Variants in THBS2 observed in about 807,000 individuals in gnomAD.
The protein encoded by THBS2 is thrombospondin-2.
THBS2 carries 47 observed loss-of-function variants against 135.2 expected under a neutral mutation model. The ratio of observed to expected loss-of-function variants is 0.35; its 90% CI spans 0.28 to 0.44. The LOEUF (loss-of-function observed/expected upper bound fraction) is 0.44. Among genes scored for constraint, THBS2 ranks in the 20% least tolerant of loss-of-function variants. THBS2 has a pLI of 1.00. For synonymous variants in THBS2, 639 were observed against 633.8 expected, an observed-to-expected ratio of 1.01 and a Z score of -0.12; for missense variants, 1,288 against 1,603.1, an observed-to-expected ratio of 0.80 and a Z score of 3.36.
Position 169,250,774 on chromosome 6 carries a change from C to G in THBS2, c.11G>C (p.Arg4Thr), listed in dbSNP as rs757556155. MVW[R>T]LVLLALWVWP... ...CACCCACAGAGCCAGCAGGACCAGC[C>G]TCCAGACCATCCTGCCTCCTGCAGC... The change falls in exon 2 of 22, where the codon AGG becomes ACG. Residue 4 changes from arginine to threonine, a missense_variant. Physicochemically the swap from Arg to Thr is moderately conservative, Grantham distance 71 (BLOSUM62 -1). Transcript: ENST00000617924. The G allele has an allele frequency of 6.2e-7, 1 of 1,613,648 alleles. No individual in the cohort carries two copies. The highest frequency in any genetic ancestry group is 2.2e-5 in the East Asian group (1 of 44,876).
chr6:169,243,118 T>TTCCCACCACTCCTACCTTCCC (rs1562363508), intron 4 of THBS2, among the ~76,000 whole-genome samples: 206 of 11,356 alleles, frequency 0.018, 4 homozygotes, highest in African/African-American at 0.073. Flanking sequence ...CCACCACTCC[T>TTCCCACCACTCCTACCTTCCC]ACCTTCCCAC....
At chr6:169,235,851 C>G (rs1336514424) in intron 9 of THBS2, among the ~76,000 whole-genome samples, 4 of 143,682 alleles carry the variant, frequency 2.8e-5, no homozygotes, top group Non-Finnish European at 4.6e-5. Flanking sequence ...CCCATCCACA[C>G]TCACTCCCCT....
chr6:169,220,352 T>TA lies in THBS2; in HGVS notation c.3372-16dup. 6.3e-7 allele frequency: 1 copy of TA among 1,588,534 alleles called. No homozygotes were observed. The highest frequency in any genetic ancestry group is 1.1e-5 in the South Asian group (1 of 88,820). Reference sequence around the variant, plus strand: ...GCACTAAGACTCTAAAAATGGTGTTTAAAAAGAAGAAGAGGAAAGAAAGAC... The same window carrying TA: ...GCACTAAGACTCTAAAAATGGTGTTTAAAAAAGAAGAAGAGGAAAGAAAGAC... On this transcript the variant is annotated splice_polypyrimidine_tract_variant and intron_variant, in intron 20 of 21. Transcript: ENST00000617924.
rs1319453801 is a variant in THBS2 at position 169,215,914 on chromosome 6, C to CA, written c.*1907dup. The CA allele has an allele frequency of 2.6e-5, 4 of 152,472 alleles. No individual in the cohort carries two copies. The highest frequency in any genetic ancestry group is 6.5e-5 in the Admixed American group (1 of 15,280). The allele number at this position is 152,472 out of a possible 1,614,324, so 9.4% of individuals were successfully genotyped here. A position where few individuals can be genotyped will look rare whatever the true frequency, so the allele number is the denominator to read the frequency against. On this transcript the variant is annotated 3_prime_UTR_variant, in exon 22 of 22. Coordinates refer to ENST00000617924, the MANE Select transcript of THBS2 (RefSeq NM_003247.5). Reference sequence around the variant, plus strand: ...ATAAATAAATATTTACAGTCTTTGGCAAAACACATGACGTTTCATCAACCT... The same window carrying CA: ...ATAAATAAATATTTACAGTCTTTGGCAAAAACACATGACGTTTCATCAACCT...
In THBS2 at chr6:169,216,827, T is replaced by TAACA. The variant is rs1779188454; in HGVS notation, c.*991_*994dup. The TAACA allele has an allele frequency of 6.6e-6, 1 of 152,240 alleles. No individual in the cohort carries two copies. The allele number at this position is 152,240 out of a possible 1,614,324, so 9.4% of individuals were successfully genotyped here. The stretch of plus-strand genomic sequence containing the variant: ...CATTCTATAGTCACTTAATAAATAT[T>TAACA]AACAAAATATTTATAACTGGAACCT... On this transcript the variant is annotated 3_prime_UTR_variant, in exon 22 of 22. Transcript: ENST00000617924.
intron 21 of THBS2, chr6:169,219,908 TG>T: frequency 1.7e-6 from 1 of 576,892 alleles, no homozygotes; most frequent in Non-Finnish European, 3.2e-6. Flanking sequence ...AGCCTGGAAG[TG>T]GAGGAAATCT....
rs59953407 is a variant in THBS2 at position 169,220,268 on chromosome 6, G to T, written c.3441C>A (p.Gly1147=). The stretch of plus-strand genomic sequence containing the variant: ...AGAAGACAAATAGACCCAGCCGCCC[G>T]CCAGCGTAGGTTTGGTCATAGATAG... ...SGPIYDQTYA[G]GRLGLFVFSQ... The change falls in exon 21 of 22, where the codon GGC becomes GGA. Residue 1147 remains glycine (G), a synonymous_variant. Transcript: ENST00000617924. The T allele has an allele frequency of 1.5e-5, 25 of 1,613,872 alleles. No individual in the cohort carries two copies. The highest frequency in any genetic ancestry group is 1.4e-5 in the Non-Finnish European group (17 of 1,179,916).
In THBS2 at chr6:169,252,343, T is replaced by A. The variant is rs1267923738; in HGVS notation, c.-23+1381A>T. 6.6e-6 allele frequency among the ~76,000 whole-genome samples: 1 copy of A among 152,130 alleles called. No individual in the cohort carries two copies. The highest frequency in any genetic ancestry group is 1.5e-5 in the Non-Finnish European group (1 of 68,012). The stretch of plus-strand genomic sequence containing the variant: ...ACGGTGTTAGAATACACAGCTCAGG[T>A]ACAGCCTTGGCAGGCTCTTCCCACC... On this transcript the variant is annotated intron_variant, in intron 1 of 21. Transcript: ENST00000617924. This position sits in a 1 kb window ranked among gnomAD's most constrained non-coding sequence, Gnocchi z 4.3.
intron 10 of THBS2, 132 bp from the exon 11 acceptor site, chr6:169,233,149 G>T: frequency 7.7e-7 from 1 of 1,290,718 alleles, no homozygotes; most frequent in Non-Finnish European, 1.0e-6. Context: ...ACTCTGGTGT[G>T]ATTCTGGATG....
chr6:169,222,512 T>G (rs1779463472), intron 18 of THBS2, 44 bp from the exon 19 acceptor site: 1 of 1,583,424 alleles, frequency 6.3e-7, no homozygotes, highest in Admixed American at 1.7e-5. Context: ...ACCTTTCAGG[T>G]GGCCGGGAGT....
chr6:169,234,046 ACAC>A lies in THBS2; in HGVS notation c.1651+685_1651+687del, dbSNP rs1329508803. ...ACACAACTACCATGTGTCACATTTC[ACAC>A]CACACCGCTGCCCATGCACCATGTT... On this transcript the variant is annotated intron_variant, in intron 10 of 21. Transcript: ENST00000617924. Among the ~76,000 whole-genome samples, 4 of 150,848 alleles carry A rather than the reference ACAC, an allele frequency of 2.7e-5. 1 individual carries two copies. Among genetic ancestry groups the A allele is most frequent in the East Asian group, 1.9e-4 (1 of 5,190 alleles).
rs568009942 is a variant in THBS2 at position 169,241,867 on chromosome 6, C to G, written c.786G>C (p.Arg262Ser). The G allele has an allele frequency of 1.9e-6, 3 of 1,612,508 alleles. No individual in the cohort carries two copies. Among genetic ancestry groups the G allele is most frequent in the South Asian group, 1.1e-5 (1 of 91,080 alleles). The change falls in exon 5 of 22, where the codon AGG becomes AGC. Residue 262 changes from arginine (R) to serine (S), a missense_variant. Arg to Ser is a moderately radical substitution (Grantham distance 110). This residue lies in a region of THBS2 where 414 missense variants were observed against 447.0 expected (regional missense o/e 0.93). Coordinates refer to ENST00000617924, the MANE Select transcript of THBS2 (RefSeq NM_003247.5). The surrounding 1 kb of genome is among the most constrained non-coding windows in gnomAD (Gnocchi z 5.5). ...TEYVGPSSER[R>S]PEVCERSCEE... is the part of the protein sequence containing the mutation. ...CGCACGAGCGTTCGCACACCTCGGG[C>G]CTCCTCTCCGAGCTGGGGCCCACGT...
At chr6:169,237,958 G>A (rs79338192) in intron 7 of THBS2, among the ~76,000 whole-genome samples, 163 bp from the exon 8 acceptor site, 2,846 of 152,350 alleles carry the variant, frequency 0.019, 89 homozygotes, top group African/African-American at 0.064. Flanking sequence ...TGGCTGGGCC[G>A]TGGCTCCGTG....
In THBS2 at chr6:169,234,741, G is replaced by A. The variant is rs763744274; in HGVS notation, c.1644C>T (p.Cys548=). Residue 548 remains cysteine, a synonymous_variant, in exon 10 of 22, where the codon TGC becomes TGT. Transcript: ENST00000617924. ...QERQMCNKRS[C]PVDGCLSNPC... Reference sequence around the variant, plus strand: ...CTTCTACCCCTCACTCACCCACGGGGCAGCTCCTCTTGTTGCACATCTGAC... The same window carrying A: ...CTTCTACCCCTCACTCACCCACGGGACAGCTCCTCTTGTTGCACATCTGAC... The A allele has an allele frequency of 6.3e-6, 10 of 1,580,362 alleles. No individual in the cohort carries two copies. Among genetic ancestry groups the A allele is most frequent in the African/African-American group, 1.4e-5 (1 of 73,992 alleles).
Position 169,225,154 on chromosome 6 carries a change from C to A in THBS2, c.2764G>T (p.Asp922Tyr). Residue 922 changes from aspartate (D) to tyrosine (Y), a missense_variant, in exon 17 of 22, where the codon GAC (aspartate) becomes TAC (tyrosine). Physicochemically the swap from Asp to Tyr is radical, Grantham distance 160. Coordinates refer to ENST00000617924, the MANE Select transcript of THBS2 (RefSeq NM_003247.5). ...CRLVFNPDQEDLDGDGRGDIC... is the reference protein window; with the variant it reads ...CRLVFNPDQEYLDGDGRGDIC... ...CTGAGAGAGCACCCACCGTCCAAGT[C>A]CTCCTGGTCTGGGTTGAACACAAGC... is the stretch of plus-strand genomic sequence containing the variant. The A allele has an allele frequency of 2.5e-6, 4 of 1,614,172 alleles. No individual in the cohort carries two copies. The Admixed American group carries it at 5.0e-5, about 20-fold the overall frequency.
At chr6:169,226,403 C>A in intron 15 of THBS2, 105 bp from the exon 16 acceptor site, 1 of 734,052 alleles carries the variant, frequency 1.4e-6, no homozygotes, top group Non-Finnish European at 2.3e-6. Flanking sequence ...CTTACAGCCA[C>A]ACTTCTATTT....
chr6:169,242,879 A>C (rs1366519032), intron 4 of THBS2, among the ~76,000 whole-genome samples: 2 of 24,746 alleles, frequency 8.1e-5, no homozygotes, highest in Non-Finnish European at 7.3e-5. Context: ...CCACCTTCCC[A>C]CCACTCCCAC....
rs529760997 is a variant in THBS2, at chr6:169,253,483, G to T, written c.-23+241C>A. ...TCAGAGAGGAAGGGGTGCCCGGCTG[G>T]TGAAAGCACAGCCACGGAGGAAAAG... On this transcript the variant is annotated intron_variant, in intron 1 of 21. Coordinates refer to ENST00000617924, the MANE Select transcript of THBS2 (RefSeq NM_003247.5). Among the ~76,000 whole-genome samples, 3 of 152,340 alleles carry T rather than the reference G, an allele frequency of 2.0e-5. No homozygotes were observed. The South Asian group carries it at 6.2e-4, about 32-fold the overall frequency.
At chr6:169,221,744 A>G (rs573824473) in intron 19 of THBS2, among the ~76,000 whole-genome samples, 2 of 152,120 alleles carry the variant, frequency 1.3e-5, no homozygotes, top group East Asian at 3.9e-4. Flanking sequence ...AAGGCACCTG[A>G]CCCTCAGATT....
Sources: gnomAD v4.1 joint callset for allele counts (sites outside exome capture counted in the v4.1 genomes callset) on GRCh38, gnomAD v4.1.1 for gene constraint, gnomAD v4.1.1 regional missense constraint, Gnocchi (gnomAD v3.1) non-coding constraint, MANE v1.5 for transcripts, NCBI Gene and HGNC (gene_info 2026-07-23, HGNC 2026-07-21) for gene names.